The following CAP2 variants were observed in gnomAD, a reference collection of about 807,000 sequenced individuals.
CAP2 encodes the protein cyclase associated actin cytoskeleton regulatory protein 2.
Under a neutral mutation model 57.7 loss-of-function variants are expected in CAP2, and 24 were observed. The ratio of observed to expected loss-of-function variants is 0.42; its 90% CI spans 0.30 to 0.58. CAP2 has a LOEUF of 0.58. CAP2 is among the 20% of genes least tolerant of loss of function. CAP2 has a pLI of 0.22. For synonymous variants in CAP2, 194 were observed against 207.2 expected (o/e 0.94, Z 0.55); for missense variants, 501 against 590.3 (o/e 0.85, Z 1.57).
chr6:17,459,067 A>C (rs1255069612), intron 3 of CAP2, among the ~76,000 whole-genome samples: 1 of 152,188 alleles, frequency 6.6e-6, no homozygotes, highest in Non-Finnish European at 1.5e-5. Flanking sequence ...GGAAAGGAGA[A>C]TATGAAGCAA....
Position 17,513,763 on chromosome 6 carries a change from C to T in CAP2, c.531-86C>T, listed in dbSNP as rs1762208936. The T allele has an allele frequency of 1.2e-6, 1 of 860,978 alleles. No homozygotes were observed. Among genetic ancestry groups the T allele is most frequent in the East Asian group, 2.6e-5 (1 of 38,432 alleles). 53.3% of individuals were successfully genotyped at this position (860,978 alleles called of 1,614,324 possible). A position where few individuals can be genotyped will look rare whatever the true frequency, so the allele number is the denominator to read the frequency against. Reference sequence around the variant, plus strand: ...CTCCGGGCTCCAGGGCCCCTAGTCACTAGATAACCATGTGCCCCCACAATT... The same window carrying T: ...CTCCGGGCTCCAGGGCCCCTAGTCATTAGATAACCATGTGCCCCCACAATT... On this transcript the variant is annotated intron_variant, in intron 6 of 12. Transcript: ENST00000229922. This position sits in a 1 kb window ranked among gnomAD's most constrained non-coding sequence, Gnocchi z 4.3.
intron 1 of CAP2, among the ~76,000 whole-genome samples, chr6:17,407,329 T>C (rs1759004308): frequency 6.6e-6 from 1 of 152,084 alleles, no homozygotes; most frequent in Non-Finnish European, 1.5e-5. Flanking sequence ...AGTAATAAAT[T>C]GAAGCTGGGT....
intron 7 of CAP2, among the ~76,000 whole-genome samples, chr6:17,533,867 C>A (rs1762709059): frequency 6.6e-6 from 1 of 152,118 alleles, no homozygotes; most frequent in Non-Finnish European, 1.5e-5. Flanking sequence ...CGCCCAGCCT[C>A]ATTTTTTTAA....
At chr6:17,440,614 G>GGTGTGTGT (rs55662495) in intron 3 of CAP2, among the ~76,000 whole-genome samples, 53 of 141,672 alleles carry the variant, frequency 3.7e-4, no homozygotes, top group Middle Eastern at 3.5e-3. Context: ...AACTGTGTGT[G>GGTGTGTGT]GTGTGTGTGT....
At chr6:17,467,640 C>T (rs1221748916) in intron 4 of CAP2, among the ~76,000 whole-genome samples, 10 of 152,146 alleles carry the variant, frequency 6.6e-5, no homozygotes, top group African/African-American at 2.2e-4. Context: ...TCTCCTGCCT[C>T]AGCCTCCTGA....
intron 7 of CAP2, among the ~76,000 whole-genome samples, chr6:17,523,384 T>C (rs1345324542): frequency 6.6e-6 from 1 of 151,978 alleles, no homozygotes; most frequent in African/African-American, 2.4e-5. Flanking sequence ...GTGTTTGAGG[T>C]GCGGGAGGTA....
At chr6:17,493,873 TA>T (rs1260203683) in intron 4 of CAP2, among the ~76,000 whole-genome samples, 2 of 151,676 alleles carry the variant, frequency 1.3e-5, no homozygotes, top group Non-Finnish European at 2.9e-5. Context: ...GCCGAAACAG[TA>T]CGTCTAAATC....
At chr6:17,412,648 C>T (rs1019138839) in intron 1 of CAP2, among the ~76,000 whole-genome samples, 2 of 152,136 alleles carry the variant, frequency 1.3e-5, no homozygotes, top group African/African-American at 2.4e-5. Context: ...GTGATACCTC[C>T]AGAGTGGAGG....
chr6:17,426,095 AAAACAAAC>A (rs896238301), intron 2 of CAP2, among the ~76,000 whole-genome samples: 31 of 151,962 alleles, frequency 2.0e-4, no homozygotes, highest in Non-Finnish European at 3.8e-4. Flanking sequence ...CCTGTCTCAA[AAAACAAAC>A]AAACAAACAA....
At chr6:17,494,744 G>A (rs575594363) in intron 4 of CAP2, among the ~76,000 whole-genome samples, 135 of 152,278 alleles carry the variant, frequency 8.9e-4, no homozygotes, top group African/African-American at 3.0e-3. Flanking sequence ...ATTTGGTGGA[G>A]TATTATTCTG....
At chr6:17,542,603 G>T (rs1762931672) in intron 9 of CAP2, among the ~76,000 whole-genome samples, 1 of 152,140 alleles carries the variant, frequency 6.6e-6, no homozygotes. Flanking sequence ...CACCTGCTAG[G>T]GTGCCTGATA....
At chr6:17,499,848 C>CATAAATAA (rs139314619) in intron 4 of CAP2, among the ~76,000 whole-genome samples, 42,858 of 142,358 alleles carry the variant, frequency 0.3, 7,645 homozygotes, top group African/African-American at 0.5. Flanking sequence ...GAGACCCTGT[C>CATAAATAA]ATAAATAAAT....
chr6:17,434,235 CT>C (rs113654321), intron 3 of CAP2, among the ~76,000 whole-genome samples: 3,059 of 139,024 alleles, frequency 0.022, 94 homozygotes, highest in African/African-American at 0.072. Flanking sequence ...TTTTTTCTTT[CT>C]TTTTTTTTTT....
At chr6:17,522,205 C>T (rs1762408301) in intron 7 of CAP2, among the ~76,000 whole-genome samples, 1 of 152,198 alleles carries the variant, frequency 6.6e-6, no homozygotes, top group Non-Finnish European at 1.5e-5. Context: ...ACAGGATTCC[C>T]AGGTAATTTA....
intron 4 of CAP2, among the ~76,000 whole-genome samples, chr6:17,505,385 C>G (rs753995029): frequency 7.9e-5 from 12 of 152,218 alleles, no homozygotes; most frequent in Non-Finnish European, 1.6e-4. Context: ...AATGACTGCC[C>G]TCTGGGGTGT....
chr6:17,462,600 GTC>G (rs1405151068), intron 3 of CAP2, among the ~76,000 whole-genome samples: 1 of 152,088 alleles, frequency 6.6e-6, no homozygotes, highest in Admixed American at 6.5e-5. Context: ...AGTGGTTTCT[GTC>G]TCTATAGATT....
At position 17,446,170 on chromosome 6, in the gene CAP2, A is replaced by T. The variant is rs145659427; in HGVS notation, c.223-16826A>T. Among the ~76,000 whole-genome samples, 250 of 152,370 alleles carry T rather than the reference A, an allele frequency of 1.6e-3. 1 individual carries two copies. Among genetic ancestry groups the T allele is most frequent in the African/African-American group, 5.7e-3 (237 of 41,594 alleles). On this transcript the variant is annotated intron_variant, in intron 3 of 12. Coordinates refer to ENST00000229922, the MANE Select transcript of CAP2 (RefSeq NM_006366.3). ...ACTGAGCAGTACTTACATAATGCAAAATACTAAAACATTTATTTTACCATG... is the reference window on the plus strand; with the variant it reads ...ACTGAGCAGTACTTACATAATGCAATATACTAAAACATTTATTTTACCATG...
chr6:17,435,152 A>G (rs532125031), intron 3 of CAP2, among the ~76,000 whole-genome samples: 7 of 107,474 alleles, frequency 6.5e-5, no homozygotes, highest in Non-Finnish European at 1.1e-4. Flanking sequence ...AACTAGAAAT[A>G]CCATTTGACC....
chr6:17,429,061 G>A (rs181852323), intron 3 of CAP2, among the ~76,000 whole-genome samples: 34 of 152,316 alleles, frequency 2.2e-4, no homozygotes, highest in Non-Finnish European at 3.1e-4. Context: ...TGGGCACTAA[G>A]ATGCATCCAC....
Sources: allele counts gnomAD v4.1 joint callset (sites outside exome capture counted in the v4.1 genomes callset), GRCh38; gene constraint gnomAD v4.1.1; non-coding constraint Gnocchi (gnomAD v3.1); transcripts MANE v1.5; gene names NCBI Gene and HGNC (gene_info 2026-07-23, HGNC 2026-07-21).